The following BTBD10 variants were observed in gnomAD, a reference collection of about 807,000 sequenced individuals.
BTBD10 encodes the protein BTB/POZ domain-containing protein 10.
In BTBD10, 21 loss-of-function variants were observed where a neutral mutation model predicts 53.2. The observed-to-expected ratio is 0.39, with a 90% confidence interval of 0.28 to 0.57. The LOEUF (loss-of-function observed/expected upper bound fraction) is 0.57. Ranked by LOEUF, BTBD10 falls within the 20% of genes least tolerant of loss-of-function variation. BTBD10 has a pLI of 0.53. For synonymous variants in BTBD10, 149 were observed against 192.7 expected, an observed-to-expected ratio of 0.77 and a Z score of 1.88; for missense variants, 360 against 594.7, an observed-to-expected ratio of 0.61 and a Z score of 4.10.
At chr11:13,429,747 G>A (rs1031842852) in intron 2 of BTBD10, among the ~76,000 whole-genome samples, 24 of 151,958 alleles carry the variant, frequency 1.6e-4, no homozygotes, top group African/African-American at 4.8e-4. Flanking sequence ...GCATAAAAGA[G>A]CAAACCGACA....
At chr11:13,439,754 T>C (rs950300559) in intron 2 of BTBD10, 14 of 679,804 alleles carry the variant, frequency 2.1e-5, no homozygotes, top group Admixed American at 1.0e-4. Context: ...AGACATATGA[T>C]CTTTATCTTT....
chr11:13,454,270 C>T (rs1950920498), intron 1 of BTBD10, among the ~76,000 whole-genome samples: 1 of 152,120 alleles, frequency 6.6e-6, no homozygotes, highest in East Asian at 1.9e-4. Flanking sequence ...AAAATTATAA[C>T]AATTCAATTT....
rs1949321013 is a variant in BTBD10 at position 13,388,703 on chromosome 11, A to G, written c.*128T>C. ...CTACCTTTGGTCTTTAAAAAAGCCT[A>G]CACTGCAATATCCTAAACATTGTTA... On this transcript the variant is annotated 3_prime_UTR_variant, in exon 9 of 9. Transcript: ENST00000278174. 7 of 1,039,872 alleles carry G rather than the reference A, an allele frequency of 6.7e-6. No homozygotes were observed. In the South Asian group the frequency reaches 1.1e-4, roughly 16 times the overall value. 64.4% of individuals were successfully genotyped at this position (1,039,872 alleles called of 1,614,324 possible).
At chr11:13,400,700 G>C (rs1459804872) in intron 8 of BTBD10, among the ~76,000 whole-genome samples, 4 of 143,802 alleles carry the variant, frequency 2.8e-5, no homozygotes, top group African/African-American at 1.0e-4. Context: ...ACCCCCCAGA[G>C]GTAGTTCTTT....
At position 13,405,819 on chromosome 11, in the gene BTBD10, A is replaced by G. The variant is rs371044722; in HGVS notation, c.846T>C (p.Arg282=). 15 of 1,613,546 alleles carry G rather than the reference A, an allele frequency of 9.3e-6. No homozygotes were observed. The highest frequency in any genetic ancestry group is 1.3e-5 in the African/African-American group (1 of 74,914). ...LMHELSNDGA[R]RQFEFYLEEM... ...CTTCCAGATAAAATTCAAATTGTCTACGAGCACCATCATTTGATAACTCAT... is the reference window on the plus strand; with the variant it reads ...CTTCCAGATAAAATTCAAATTGTCTGCGAGCACCATCATTTGATAACTCAT... The change falls in exon 7 of 9, where the codon CGT becomes CGC. Residue 282 remains arginine, a synonymous_variant. Coordinates refer to ENST00000278174, the MANE Select transcript of BTBD10 (RefSeq NM_032320.7).
intron 6 of BTBD10, among the ~76,000 whole-genome samples, chr11:13,406,925 T>TC (rs1949845872): frequency 6.6e-6 from 1 of 152,128 alleles, no homozygotes; most frequent in African/African-American, 2.4e-5. Context: ...TACCTATATT[T>TC]CAACACCTTC....
At chr11:13,434,795 T>A (rs1426160803) in intron 2 of BTBD10, among the ~76,000 whole-genome samples, 2 of 149,028 alleles carry the variant, frequency 1.3e-5, no homozygotes, top group Non-Finnish European at 3.0e-5. Flanking sequence ...ACCAGTGTTA[T>A]GGCAGAGTTA....
rs528512721 is a variant in BTBD10, at chr11:13,416,802, C to A, written c.687+356G>T. ...GAACAGCCTAGGTAACACTGTGAGA[C>A]CTCGTCTCTATAAAAAATGAAAACA... On this transcript the variant is annotated intron_variant, in intron 5 of 8. Transcript: ENST00000278174. 3.3e-5 allele frequency among the ~76,000 whole-genome samples: 5 copies of A among 151,996 alleles called. No homozygotes were observed. In the South Asian group the frequency reaches 8.3e-4, roughly 25 times the overall value.
intron 8 of BTBD10, among the ~76,000 whole-genome samples, chr11:13,401,509 G>C (rs1428196767): frequency 6.6e-6 from 1 of 152,100 alleles, no homozygotes; most frequent in African/African-American, 2.4e-5. Flanking sequence ...ATTTCACAGA[G>C]GTTCCAAGAA....
At chr11:13,390,871 T>G (rs1949391371) in intron 8 of BTBD10, among the ~76,000 whole-genome samples, 1 of 152,170 alleles carries the variant, frequency 6.6e-6, no homozygotes, top group African/African-American at 2.4e-5. Flanking sequence ...GTGCAGCAGG[T>G]GAACAAAACT....
At position 13,448,770 on chromosome 11, in the gene BTBD10, C is replaced by T. The variant is rs538636291; in HGVS notation, c.-57-3589G>A. ...TAAAAACTGAATGGCTCCTCGTTTCCTATATCTAAACTCCTTACTATAAAA... is the reference window on the plus strand; with the variant it reads ...TAAAAACTGAATGGCTCCTCGTTTCTTATATCTAAACTCCTTACTATAAAA... On this transcript the variant is annotated intron_variant, in intron 1 of 8. Coordinates refer to ENST00000278174, the MANE Select transcript of BTBD10 (RefSeq NM_032320.7). Among the ~76,000 whole-genome samples, 11 of 152,222 alleles carry T rather than the reference C, an allele frequency of 7.2e-5. No homozygotes were observed. The East Asian group carries it at 1.7e-3, about 24-fold the overall frequency.
chr11:13,455,276 A>G (rs756831804), intron 1 of BTBD10, among the ~76,000 whole-genome samples: 7 of 152,356 alleles, frequency 4.6e-5, no homozygotes, highest in African/African-American at 1.7e-4. Flanking sequence ...AAGTCAGCTC[A>G]GTCAACCCTT....
chr11:13,400,377 T>C (rs1304070071), intron 8 of BTBD10, among the ~76,000 whole-genome samples: 1 of 152,164 alleles, frequency 6.6e-6, no homozygotes, highest in East Asian at 1.9e-4. Context: ...TGGTGTGCCG[T>C]TTGTGAAGCC....
At chr11:13,431,897 G>A (rs920273471) in intron 2 of BTBD10, among the ~76,000 whole-genome samples, 8 of 151,996 alleles carry the variant, frequency 5.3e-5, no homozygotes, top group Non-Finnish European at 8.8e-5. Flanking sequence ...AGGGGAAAAA[G>A]TTTATAATAC....
chr11:13,432,982 G>A (rs1203110321), intron 2 of BTBD10, among the ~76,000 whole-genome samples: 1 of 152,068 alleles, frequency 6.6e-6, no homozygotes, highest in Non-Finnish European at 1.5e-5. Context: ...TCAGAAAACT[G>A]TTGACAAATA....
chr11:13,416,245 T>TA (rs1010687609), intron 5 of BTBD10, among the ~76,000 whole-genome samples: 3 of 151,722 alleles, frequency 2.0e-5, no homozygotes, highest in African/African-American at 7.3e-5. Context: ...TCCCAGCTAC[T>TA]AGGGAGGCTG....
rs1424744664 is a variant in BTBD10, at chr11:13,388,834, CA to C, written c.1424del (p.Leu475ArgfsTer7). On this transcript the variant is annotated frameshift_variant, in exon 9 of 9. Coordinates refer to ENST00000278174, the MANE Select transcript of BTBD10 (RefSeq NM_032320.7). LOFTEE classifies it high-confidence loss of function. The part of the protein sequence containing the change: ...DLDPDAQNPM[L>X] The stretch of plus-strand genomic sequence containing the variant: ...ATGGTTTCAAGGAAGATCAGCATCA[CA>C]GCATTGGATTCTGTGCATCAGGATC... The C allele has an allele frequency of 3.7e-6, 6 of 1,609,142 alleles. No individual in the cohort carries two copies. Among genetic ancestry groups the C allele is most frequent in the South Asian group, 3.3e-5 (3 of 90,656 alleles).
intron 3 of BTBD10, among the ~76,000 whole-genome samples, chr11:13,420,213 C>A (rs1950215760): frequency 1.3e-5 from 2 of 151,946 alleles, no homozygotes; most frequent in South Asian, 4.2e-4. Flanking sequence ...TAGAATCTCA[C>A]TACGTTAATA....
intron 6 of BTBD10, 65 bp from the exon 7 acceptor site, chr11:13,405,921 T>C (rs538051121): frequency 9.4e-6 from 14 of 1,484,296 alleles, no homozygotes; most frequent in Admixed American, 5.4e-5. Flanking sequence ...TTTAGAAATA[T>C]AGACTCTTAT....
Sources: allele counts gnomAD v4.1 joint callset (sites outside exome capture counted in the v4.1 genomes callset), GRCh38; gene constraint gnomAD v4.1.1; transcripts MANE v1.5; gene names NCBI Gene and HGNC (gene_info 2026-07-23, HGNC 2026-07-21).